The following ELAVL4 variants were observed in gnomAD, a reference collection of about 807,000 sequenced individuals.
ELAVL4 encodes the protein ELAV-like protein 4.
Under a neutral mutation model 35.6 loss-of-function variants are expected in ELAVL4, and 1 was observed. The ratio of observed to expected loss-of-function variants is 0.03; its 90% CI spans 0.01 to 0.13. The LOEUF is 0.13. Ranked by LOEUF, ELAVL4 falls within the 10% of genes least tolerant of loss-of-function variation. ELAVL4 has a pLI of 1.00. For synonymous variants in ELAVL4, 156 were observed against 171.0 expected, an observed-to-expected ratio of 0.91 and a Z score of 0.69; for missense variants, 267 against 464.9, an observed-to-expected ratio of 0.57 and a Z score of 3.91.
At chr1:50,082,039 A>G (rs1665035189) in intron 1 of ELAVL4, among the ~76,000 whole-genome samples, 1 of 152,156 alleles carries the variant, frequency 6.6e-6, no homozygotes, top group African/African-American at 2.4e-5. Flanking sequence ...ATAGTATTCC[A>G]TGGTGTATAT....
chr1:50,095,325 G>C (rs879516020), intron 1 of ELAVL4, among the ~76,000 whole-genome samples: 4 of 151,992 alleles, frequency 2.6e-5, no homozygotes, highest in African/African-American at 7.3e-5. Context: ...GCATTAATGA[G>C]GCCCACCCTT....
At position 50,194,040 on chromosome 1, in the gene ELAVL4, T is replaced by C. The variant is rs571732592; in HGVS notation, c.508+122T>C. 7.6e-5 allele frequency: 97 copies of C among 1,271,190 alleles called. No homozygotes were observed. The African/African-American group carries it at 1.4e-3, about 18-fold the overall frequency. 78.7% of individuals were successfully genotyped at this position (1,271,190 alleles called of 1,614,324 possible). A position where few individuals can be genotyped will look rare whatever the true frequency, so the allele number is the denominator to read the frequency against. On this transcript the variant is annotated intron_variant, in intron 4 of 6. Coordinates refer to ENST00000371824, the MANE Select transcript of ELAVL4 (RefSeq NM_001144774.3). ...ATATGGATCATGAATAGACAGATTT[T>C]TGACTTGGAAGAAAGACTTCTTATC... is the stretch of plus-strand genomic sequence containing the variant.
intron 4 of ELAVL4, 149 bp downstream of exon 4, chr1:50,194,067 G>T (rs958143625): frequency 9.5e-7 from 1 of 1,047,382 alleles, no homozygotes; most frequent in Non-Finnish European, 1.3e-6. Flanking sequence ...CTTCTTATCG[G>T]TCAACTGCCC....
At position 50,201,231 on chromosome 1, in the gene ELAVL4, A is replaced by C. The variant is rs867409715; in HGVS notation, c.*53A>C. ...ATATAGAAATATATACGAACAAAAC[A>C]CACGCGCGCACACACACACATACAC... On this transcript the variant is annotated 3_prime_UTR_variant, in exon 7 of 7. Coordinates refer to ENST00000371824, the MANE Select transcript of ELAVL4 (RefSeq NM_001144774.3). This position sits in a 1 kb window ranked among gnomAD's most constrained non-coding sequence, Gnocchi z 4.3. 286 of 1,467,612 alleles carry C rather than the reference A, an allele frequency of 1.9e-4. 2 individuals are homozygous for C. In the Middle Eastern group the frequency reaches 3.0e-3, roughly 16 times the overall value. 90.9% of individuals were successfully genotyped at this position (1,467,612 alleles called of 1,614,324 possible).
chr1:50,126,487 A>C (rs1384874901), intron 1 of ELAVL4, among the ~76,000 whole-genome samples: 2 of 152,132 alleles, frequency 1.3e-5, no homozygotes, highest in Non-Finnish European at 2.9e-5. Flanking sequence ...AAAAATTTCA[A>C]GGAAGGACTC....
chr1:50,150,046 G>A (rs1207640961), intron 2 of ELAVL4, among the ~76,000 whole-genome samples: 1 of 152,170 alleles, frequency 6.6e-6, no homozygotes. Context: ...GGAAAGAAAA[G>A]CAAAGGAATA....
rs141650186 is a variant in ELAVL4, at chr1:50,143,743, C to T, written c.10-1214C>T. Among the ~76,000 whole-genome samples, 59 of 152,050 alleles carry T rather than the reference C, an allele frequency of 3.9e-4. 1 individual carries two copies. The highest frequency in any genetic ancestry group is 2.7e-3 in the Admixed American group (41 of 15,238). ...CGGTGTAAGACAAAATGGAAAGTTG[C>T]GAATTATGGGCTGCGTTTGGGGCCA... is the stretch of plus-strand genomic sequence containing the variant. On this transcript the variant is annotated intron_variant, in intron 1 of 6. Transcript: ENST00000371824.
chr1:50,164,683 A>C (rs975371271), intron 2 of ELAVL4, among the ~76,000 whole-genome samples: 1 of 152,094 alleles, frequency 6.6e-6, no homozygotes, highest in Non-Finnish European at 1.5e-5. Context: ...TTCAAACTAA[A>C]TGCCCACAGG....
At chr1:50,137,003 A>G (rs1430095781) in intron 1 of ELAVL4, among the ~76,000 whole-genome samples, 1 of 152,300 alleles carries the variant, frequency 6.6e-6, no homozygotes, top group Admixed American at 6.5e-5. Flanking sequence ...GGTGTAGGTT[A>G]ACTAGATTAA....
In ELAVL4 at chr1:50,200,848, C is replaced by T; in HGVS notation, c.774-3C>T. ...CAGTCCCCCCTTCTGCTTGTCCCCC[C>T]AGGTTCTCCCCAATTACCATTGATG... On this transcript the variant is annotated splice_polypyrimidine_tract_variant and splice_region_variant and intron_variant, in intron 6 of 6. Transcript: ENST00000371824. The T allele has an allele frequency of 6.2e-7, 1 of 1,612,800 alleles. No individual in the cohort carries two copies. The highest frequency in any genetic ancestry group is 8.5e-7 in the Non-Finnish European group (1 of 1,179,424).
intron 3 of ELAVL4, among the ~76,000 whole-genome samples, chr1:50,187,095 A>G (rs1681948811): frequency 6.6e-6 from 1 of 152,176 alleles, no homozygotes. Context: ...CCCTGATTCC[A>G]TTCTCCTCAT....
intron 1 of ELAVL4, among the ~76,000 whole-genome samples, chr1:50,134,651 TAAAC>T (rs1291490401): frequency 2.6e-5 from 4 of 152,148 alleles, no homozygotes; most frequent in Non-Finnish European, 4.4e-5. Context: ...AAATCTGACT[TAAAC>T]AAAGAAAGCT....
At chr1:50,176,120 C>T (rs530712243) in intron 2 of ELAVL4, among the ~76,000 whole-genome samples, 10 of 152,192 alleles carry the variant, frequency 6.6e-5, no homozygotes, top group Non-Finnish European at 1.0e-4. Context: ...ATCAGTGGCA[C>T]GATTGCAAGC....
At chr1:50,095,333 C>T (rs1396291144) in intron 1 of ELAVL4, among the ~76,000 whole-genome samples, 1 of 152,010 alleles carries the variant, frequency 6.6e-6, no homozygotes, top group Non-Finnish European at 1.5e-5. Flanking sequence ...GAGGCCCACC[C>T]TTCCCCCAAC....
At chr1:50,143,260 T>C (rs1181419708) in intron 1 of ELAVL4, among the ~76,000 whole-genome samples, 1 of 152,222 alleles carries the variant, frequency 6.6e-6, no homozygotes, top group African/African-American at 2.4e-5. Context: ...ATGTATGTTA[T>C]AGTAAATGAA....
intron 1 of ELAVL4, among the ~76,000 whole-genome samples, chr1:50,055,847 A>G (rs1020239433): frequency 6.6e-6 from 1 of 152,158 alleles, no homozygotes; most frequent in East Asian, 1.9e-4. Context: ...TCAGAGAGGT[A>G]GGGTGGAGAT....
intron 1 of ELAVL4, among the ~76,000 whole-genome samples, chr1:50,094,606 T>A (rs1019974443): frequency 6.6e-6 from 1 of 152,116 alleles, no homozygotes; most frequent in Non-Finnish European, 1.5e-5. Flanking sequence ...TTCATGTTTC[T>A]ATAAGTAAAG....
intron 1 of ELAVL4, among the ~76,000 whole-genome samples, chr1:50,088,354 C>T (rs1665339730): frequency 1.3e-5 from 2 of 152,180 alleles, no homozygotes; most frequent in Non-Finnish European, 2.9e-5. Flanking sequence ...TTTGTCTTCC[C>T]TTCCATGCTG....
In ELAVL4 at chr1:50,109,207, G is replaced by T; in HGVS notation, c.9+9G>T. The stretch of plus-strand genomic sequence containing the variant: ...CAATAAGAATGGTTATGGTAGGTAT[G>T]ACTAGATTTATAATCTGTTGTTTGT... On this transcript the variant is annotated intron_variant, in intron 1 of 6. Coordinates refer to ENST00000371824, the MANE Select transcript of ELAVL4 (RefSeq NM_001144774.3). 2 of 1,612,484 alleles carry T rather than the reference G, an allele frequency of 1.2e-6. No homozygotes were observed. Among genetic ancestry groups the T allele is most frequent in the South Asian group, 2.2e-5 (2 of 90,788 alleles).
Sources: allele counts gnomAD v4.1 joint callset (sites outside exome capture counted in the v4.1 genomes callset), GRCh38; gene constraint gnomAD v4.1.1; non-coding constraint Gnocchi (gnomAD v3.1); transcripts MANE v1.5; gene names NCBI Gene and HGNC (gene_info 2026-07-23, HGNC 2026-07-21).